Variants in TOX observed in about 807,000 individuals in gnomAD.
The protein encoded by TOX is thymocyte selection-associated high mobility group box protein TOX.
A neutral mutation model predicts 53.7 loss-of-function variants in TOX; 11 were observed. The ratio of observed to expected loss-of-function variants is 0.20; its 90% CI spans 0.13 to 0.34. The LOEUF (loss-of-function observed/expected upper bound fraction) is 0.34. Among genes scored for constraint, TOX ranks in the 10% least tolerant of loss-of-function variants. The pLI is 1.00. For missense variants in TOX, 570 were observed against 664.6 expected (o/e 0.86, Z 1.56); for synonymous variants, 225 against 245.3 (o/e 0.92, Z 0.77).
Position 59,021,477 on chromosome 8 carries a change from A to ATATATAT in TOX, c.103-61470_103-61469insATATATA, listed in dbSNP as rs1187458598. Reference sequence around the variant, plus strand: ...TTTTCTACAAGCAAAAAAAAAAAAAAAAAAATATATATATATATATATGCA... The same window carrying ATATATAT: ...TTTTCTACAAGCAAAAAAAAAAAAAATATATATAAAAATATATATATATATATATGCA... On this transcript the variant is annotated intron_variant, in intron 1 of 8. Coordinates refer to ENST00000361421, the MANE Select transcript of TOX (RefSeq NM_014729.3). Among the ~76,000 whole-genome samples the ATATATAT allele has an allele frequency of 1.8e-4, 11 of 61,386 alleles. No individual in the cohort carries two copies. In the East Asian group the frequency reaches 4.2e-3, roughly 24 times the overall value. 40.3% of individuals were successfully genotyped at this position (61,386 alleles called of 152,430 possible). A position where few individuals can be genotyped will look rare whatever the true frequency, so the allele number is the denominator to read the frequency against.
At chr8:58,899,534 A>G (rs560570719) in intron 3 of TOX, among the ~76,000 whole-genome samples, 1 of 152,344 alleles carries the variant, frequency 6.6e-6, no homozygotes, top group African/African-American at 2.4e-5. Flanking sequence ...TAACAAAGAC[A>G]GAAATACAGG....
At chr8:58,831,972 C>G (rs1810462066) in intron 5 of TOX, among the ~76,000 whole-genome samples, 1 of 151,858 alleles carries the variant, frequency 6.6e-6, no homozygotes, top group African/African-American at 2.4e-5. Flanking sequence ...ATTTTCCTGC[C>G]AACATCATGG....
At chr8:59,008,406 G>A (rs1813832152) in intron 1 of TOX, among the ~76,000 whole-genome samples, 1 of 152,192 alleles carries the variant, frequency 6.6e-6, no homozygotes, top group Admixed American at 6.5e-5. Context: ...TCAATGAAGG[G>A]GAAGCAATCT....
intron 1 of TOX, among the ~76,000 whole-genome samples, chr8:58,965,634 C>T (rs1165783562): frequency 1.3e-5 from 2 of 152,004 alleles, no homozygotes; most frequent in Non-Finnish European, 2.9e-5. Flanking sequence ...GAAAAACAGC[C>T]TCATGGAATT....
intron 1 of TOX, among the ~76,000 whole-genome samples, chr8:59,109,728 C>T (rs911574790): frequency 6.4e-4 from 98 of 152,094 alleles, no homozygotes; most frequent in Non-Finnish European, 1.3e-3. Context: ...TAAAACTTCG[C>T]AGTGAAAAAT....
chr8:58,880,180 G>A (rs17295487), intron 3 of TOX, among the ~76,000 whole-genome samples: 26,218 of 152,188 alleles, frequency 0.17, 2,881 homozygotes, highest in Middle Eastern at 0.26. Flanking sequence ...AGGAAAGTCA[G>A]TAGTGTGCAA....
At chr8:58,810,553 A>G (rs549537568) in intron 7 of TOX, among the ~76,000 whole-genome samples, 1 of 152,066 alleles carries the variant, frequency 6.6e-6, no homozygotes, top group South Asian at 2.1e-4. Context: ...TAGTTTCGCC[A>G]TATTTCCCAG....
At chr8:58,907,957 G>T (rs1057327768) in intron 3 of TOX, among the ~76,000 whole-genome samples, 5 of 152,128 alleles carry the variant, frequency 3.3e-5, no homozygotes, top group African/African-American at 1.2e-4. Context: ...TTAAGTTTCG[G>T]TGTACGTGTG....
intron 6 of TOX, among the ~76,000 whole-genome samples, chr8:58,820,233 G>A (rs554568534): frequency 6.0e-5 from 9 of 150,502 alleles, no homozygotes; most frequent in Non-Finnish European, 1.3e-4. Flanking sequence ...TATGGAAACA[G>A]AGAACTTTCT....
At chr8:58,967,569 T>G (rs4237029) in intron 1 of TOX, among the ~76,000 whole-genome samples, 108,451 of 151,868 alleles carry the variant, frequency 0.71, 39,567 homozygotes, top group South Asian at 0.82. Context: ...TTTATATAGA[T>G]AAGCTTTGCA....
intron 1 of TOX, among the ~76,000 whole-genome samples, chr8:59,110,128 T>C (rs147972675): frequency 6.9e-4 from 105 of 152,286 alleles, no homozygotes; most frequent in African/African-American, 2.5e-3. Flanking sequence ...TGAACATAGC[T>C]CTGAGAGTCC....
intron 1 of TOX, among the ~76,000 whole-genome samples, chr8:59,101,928 A>G (rs2129424437): frequency 6.6e-6 from 1 of 152,292 alleles, no homozygotes; most frequent in East Asian, 1.9e-4. Flanking sequence ...TCCCCTAACA[A>G]TAATGGGGAA....
chr8:58,815,825 C>T, intron 6 of TOX, 101 bp from the exon 7 acceptor site: 3 of 1,335,032 alleles, frequency 2.2e-6, no homozygotes, highest in Non-Finnish European at 3.0e-6. Context: ...CCCTGGAATC[C>T]ATACCCATGA....
intron 1 of TOX, among the ~76,000 whole-genome samples, chr8:59,012,894 T>C (rs1813934507): frequency 6.7e-6 from 1 of 148,704 alleles, no homozygotes; most frequent in Non-Finnish European, 1.5e-5. Flanking sequence ...GCGTACTCTT[T>C]CCCCACCCAC....
intron 2 of TOX, among the ~76,000 whole-genome samples, chr8:58,954,929 G>A (rs1166337005): frequency 1.3e-5 from 2 of 152,162 alleles, no homozygotes; most frequent in African/African-American, 4.8e-5. Context: ...CAGGTGGGAG[G>A]TGATGAGTTG....
chr8:58,827,407 T>C (rs1259197695), intron 5 of TOX, among the ~76,000 whole-genome samples: 1 of 152,040 alleles, frequency 6.6e-6, no homozygotes, highest in African/African-American at 2.4e-5. Flanking sequence ...CATCACTGAG[T>C]TAAGATTTGG....
At chr8:59,016,163 T>G (rs1316174778) in intron 1 of TOX, among the ~76,000 whole-genome samples, 1 of 152,184 alleles carries the variant, frequency 6.6e-6, no homozygotes, top group East Asian at 1.9e-4. Context: ...ATGCCTACTG[T>G]GTGCAAGGAA....
chr8:59,052,208 A>G (rs1385746277), intron 1 of TOX, among the ~76,000 whole-genome samples: 2 of 152,236 alleles, frequency 1.3e-5, no homozygotes, highest in Admixed American at 6.5e-5. Flanking sequence ...GTATCATTAT[A>G]ACATTATTTT....
At chr8:58,870,159 T>C (rs1438942014) in intron 3 of TOX, among the ~76,000 whole-genome samples, 1 of 152,214 alleles carries the variant, frequency 6.6e-6, no homozygotes, top group East Asian at 1.9e-4. Context: ...AGTGACATAA[T>C]TGTCTATGTA....
Sources: gnomAD v4.1 joint callset for allele counts (sites outside exome capture counted in the v4.1 genomes callset) on GRCh38, gnomAD v4.1.1 for gene constraint, MANE v1.5 for transcripts, NCBI Gene and HGNC (gene_info 2026-07-23, HGNC 2026-07-21) for gene names.